FGF10: variants seen among roughly 807,000 people sequenced by gnomAD.
FGF10 encodes fibroblast growth factor 10, also known as FGF-10.
A neutral mutation model predicts 19.8 loss-of-function variants in FGF10; 2 were observed. That is an observed-to-expected ratio of 0.10 (90% confidence interval 0.04 to 0.32). The LOEUF (loss-of-function observed/expected upper bound fraction) is 0.32. Ranked by LOEUF, FGF10 falls within the 10% of genes least tolerant of loss-of-function variation. The probability of loss-of-function intolerance (pLI) is 1.00; values close to 1 mark genes in which losing one functional copy is unlikely to be tolerated. For missense variants in FGF10, 191 were observed against 246.3 expected, an observed-to-expected ratio of 0.78 and a Z score of 1.50; for synonymous variants, 112 against 94.0, an observed-to-expected ratio of 1.19 and a Z score of -1.10.
chr5:44,375,202 C>G (rs1275667447), intron 1 of FGF10, among the ~76,000 whole-genome samples: 1 of 152,122 alleles, frequency 6.6e-6, no homozygotes, highest in Non-Finnish European at 1.5e-5. Flanking sequence ...ATGTAAAAGT[C>G]AGTGAGGTGT....
In FGF10 at chr5:44,330,773, G is replaced by A. The variant is rs539990651; in HGVS notation, c.326-20243C>T. ...TAGAGAGCATACATAGCTTATGTAA[G>A]CAATATAAAGCCTCATCTGTCTCTT... On this transcript the variant is annotated intron_variant, in intron 1 of 2. Transcript: ENST00000264664. Among the ~76,000 whole-genome samples, 12 of 152,202 alleles carry A rather than the reference G, an allele frequency of 7.9e-5. No individual in the cohort carries two copies. In the South Asian group the frequency reaches 2.3e-3, roughly 29 times the overall value.
chr5:44,322,860 GTAA>G (rs1243742588), intron 1 of FGF10, among the ~76,000 whole-genome samples: 1 of 151,738 alleles, frequency 6.6e-6, no homozygotes, highest in African/African-American at 2.4e-5. Flanking sequence ...ATATTACAAT[GTAA>G]TAATAATAAT....
intron 1 of FGF10, among the ~76,000 whole-genome samples, chr5:44,344,561 G>A (rs1055045767): frequency 6.5e-4 from 20 of 30,864 alleles, no homozygotes; most frequent in Non-Finnish European, 5.1e-4. Flanking sequence ...TTACTGTTTT[G>A]TTTTCTCTGT....
intron 1 of FGF10, among the ~76,000 whole-genome samples, chr5:44,349,457 T>TATATATATATCAGA (rs1561210170): frequency 3.4e-5 from 1 of 29,796 alleles, no homozygotes; most frequent in African/African-American, 1.3e-4. Context: ...TATATATATA[T>TATATATATATCAGA]ATATATATAT....
chr5:44,366,127 C>CTTTTTTTTTTTTTTTTTT (rs35522683), intron 1 of FGF10, among the ~76,000 whole-genome samples: 2 of 74,824 alleles, frequency 2.7e-5, no homozygotes, highest in Non-Finnish European at 4.7e-5. Context: ...CAATTATTTC[C>CTTTTTTTTTTTTTTTTTT]TTTTTTTTTT....
At chr5:44,357,616 T>C (rs1245657999) in intron 1 of FGF10, among the ~76,000 whole-genome samples, 2 of 151,446 alleles carry the variant, frequency 1.3e-5, no homozygotes. Flanking sequence ...CACATACCTC[T>C]TAAGTGGTGA....
At chr5:44,333,366 AG>A (rs1740780247) in intron 1 of FGF10, among the ~76,000 whole-genome samples, 1 of 152,166 alleles carries the variant, frequency 6.6e-6, no homozygotes, top group African/African-American at 2.4e-5. Flanking sequence ...CACTGTTCTG[AG>A]TACTGAGAAT....
At chr5:44,305,909 C>T (rs1378815364) in intron 2 of FGF10, among the ~76,000 whole-genome samples, 1 of 152,082 alleles carries the variant, frequency 6.6e-6, no homozygotes, top group African/African-American at 2.4e-5. Flanking sequence ...AATAGCAATG[C>T]CTACATTGTA....
At chr5:44,329,033 T>C (rs1015501800) in intron 1 of FGF10, among the ~76,000 whole-genome samples, 1 of 152,104 alleles carries the variant, frequency 6.6e-6, no homozygotes, top group Non-Finnish European at 1.5e-5. Context: ...GAAAACCTTA[T>C]AAGAAAAATT....
chr5:44,335,235 G>A (rs181849024), intron 1 of FGF10, among the ~76,000 whole-genome samples: 637 of 152,042 alleles, frequency 4.2e-3, no homozygotes, highest in Non-Finnish European at 7.0e-3. Flanking sequence ...CTCACCAAGA[G>A]GCATTCATGC....
rs1423758159 is a variant in FGF10, at chr5:44,304,335, C to T, written c.*660G>A. The T allele has an allele frequency of 1.3e-5, 2 of 152,320 alleles. No homozygotes were observed. Among genetic ancestry groups the T allele is most frequent in the Non-Finnish European group, 1.5e-5 (1 of 68,192 alleles). The allele number at this position is 152,320 out of a possible 1,614,324, so 9.4% of individuals were successfully genotyped here. On this transcript the variant is annotated 3_prime_UTR_variant, in exon 3 of 3. Coordinates refer to ENST00000264664, the MANE Select transcript of FGF10 (RefSeq NM_004465.2). ...GCTGCTGAGATACTCTTTAAAACCC[C>T]AAAAGATATTTAACATCCTATTAAA...
intron 1 of FGF10, among the ~76,000 whole-genome samples, chr5:44,345,477 C>A (rs1404351076): frequency 6.6e-6 from 1 of 151,768 alleles, no homozygotes; most frequent in Non-Finnish European, 1.5e-5. Context: ...TGTACAGGAT[C>A]ATTCTCTGCA....
intron 1 of FGF10, among the ~76,000 whole-genome samples, chr5:44,362,450 T>C (rs1741511585): frequency 1.3e-5 from 2 of 151,404 alleles, no homozygotes; most frequent in African/African-American, 4.8e-5. Context: ...CAATTTTTGA[T>C]AAAATTAACT....
chr5:44,302,701 A>G lies in FGF10; in HGVS notation c.*2294T>C, dbSNP rs557540742. Among the ~76,000 whole-genome samples, 1 of 152,110 alleles carries G rather than the reference A, an allele frequency of 6.6e-6. No homozygotes were observed. Among genetic ancestry groups the G allele is most frequent in the Non-Finnish European group, 1.5e-5 (1 of 68,006 alleles). The stretch of plus-strand genomic sequence containing the variant: ...TTTCTGTGAGGGAAATGTGGGAGAG[A>G]CAGGGAGATGTTTTCTATTTTTGGC... On this transcript the variant is annotated 3_prime_UTR_variant, in exon 3 of 3. Coordinates refer to ENST00000264664, the MANE Select transcript of FGF10 (RefSeq NM_004465.2).
intron 1 of FGF10, among the ~76,000 whole-genome samples, chr5:44,328,048 A>G (rs1342881398): frequency 6.6e-6 from 1 of 152,202 alleles, no homozygotes; most frequent in Non-Finnish European, 1.5e-5. Context: ...CTATACTCTT[A>G]AATGGCTGCA....
At chr5:44,336,458 G>C (rs189637937) in intron 1 of FGF10, among the ~76,000 whole-genome samples, 93 of 152,182 alleles carry the variant, frequency 6.1e-4, no homozygotes, top group Non-Finnish European at 1.0e-3. Flanking sequence ...TTCTATGTTT[G>C]TCTTCTTTGT....
chr5:44,312,000 A>G (rs1486773882), intron 1 of FGF10, among the ~76,000 whole-genome samples: 1 of 152,068 alleles, frequency 6.6e-6, no homozygotes, highest in Non-Finnish European at 1.5e-5. Context: ...GACTTTGCCA[A>G]GACTACATGT....
chr5:44,310,530 C>A lies in FGF10; in HGVS notation c.326G>T (p.Ser109Ile). 1 of 1,601,230 alleles carries A rather than the reference C, an allele frequency of 6.2e-7. No homozygotes were observed. Among genetic ancestry groups the A allele is most frequent in the Non-Finnish European group, 8.6e-7 (1 of 1,169,112 alleles). Residue 109 changes from serine (S) to isoleucine (I), a missense_variant and splice_region_variant, in exon 2 of 3, where the codon AGC becomes ATC. Physicochemically the swap from Ser to Ile is moderately radical, Grantham distance 142 (BLOSUM62 -2). Coordinates refer to ENST00000264664, the MANE Select transcript of FGF10 (RefSeq NM_004465.2). ...SGTKKENCPY[S>I]ILEITSVEIG... Reference sequence around the variant, plus strand: ...TTCTACTGATGTTATCTCCAGGATGCCTAAAACATACAATTTTAAAAGGCT... The same window carrying A: ...TTCTACTGATGTTATCTCCAGGATGACTAAAACATACAATTTTAAAAGGCT...
chr5:44,383,603 G>GA (rs1218243457), intron 1 of FGF10, among the ~76,000 whole-genome samples: 1 of 152,070 alleles, frequency 6.6e-6, no homozygotes, highest in Non-Finnish European at 1.5e-5. Context: ...TCAGGTTTAT[G>GA]AAGAGGAAAC....
Sources: allele counts gnomAD v4.1 joint callset (sites outside exome capture counted in the v4.1 genomes callset), GRCh38; gene constraint gnomAD v4.1.1; transcripts MANE v1.5; gene names NCBI Gene and HGNC (gene_info 2026-07-23, HGNC 2026-07-21).